The following RBFOX1 variants were observed in gnomAD, a reference collection of about 807,000 sequenced individuals.
The protein encoded by RBFOX1 is RNA binding fox-1 homolog 1.
In RBFOX1, 8 loss-of-function variants were observed where a neutral mutation model predicts 57.7. That is an observed-to-expected ratio of 0.14 (90% CI 0.08 to 0.25). The LOEUF (loss-of-function observed/expected upper bound fraction) is 0.25. Among genes scored for constraint, RBFOX1 ranks in the 10% least tolerant of loss-of-function variants. The pLI is 1.00. For synonymous variants in RBFOX1, 326 were observed against 222.4 expected, an observed-to-expected ratio of 1.47 and a Z score of -4.15; for missense variants, 611 against 548.5, an observed-to-expected ratio of 1.11 and a Z score of -1.14.
At chr16:6,249,656 A>G (rs762148552) in intron 1 of RBFOX1, among the ~76,000 whole-genome samples, 6 of 152,144 alleles carry the variant, frequency 3.9e-5, no homozygotes, top group Admixed American at 6.5e-5. Flanking sequence ...GCATGCAGGC[A>G]AAGGTGAGAT....
At chr16:5,283,883 G>T (rs1265816041) in intron 1 of RBFOX1, among the ~76,000 whole-genome samples, 1 of 152,012 alleles carries the variant, frequency 6.6e-6, no homozygotes, top group Non-Finnish European at 1.5e-5. Flanking sequence ...GGGAAGGCAT[G>T]ATTGGTTTTA....
At chr16:6,617,449 C>T (rs193182893) in intron 2 of RBFOX1, among the ~76,000 whole-genome samples, 1 of 151,968 alleles carries the variant, frequency 6.6e-6, no homozygotes, top group African/African-American at 2.4e-5. Context: ...GGGTCTGACT[C>T]TCCAGTTCAC....
chr16:6,472,158 C>T (rs79101471), intron 2 of RBFOX1, among the ~76,000 whole-genome samples: 1 of 152,222 alleles, frequency 6.6e-6, no homozygotes, highest in Non-Finnish European at 1.5e-5. Context: ...TTCTCAATTC[C>T]ACATTTCTTG....
intron 1 of RBFOX1, among the ~76,000 whole-genome samples, chr16:5,329,414 A>G (rs984650068): frequency 1.1e-4 from 17 of 152,108 alleles, no homozygotes; most frequent in South Asian, 4.2e-4. Context: ...AGATCTCACA[A>G]TAACTCACTC....
intron 1 of RBFOX1, among the ~76,000 whole-genome samples, chr16:6,162,625 C>A (rs1048809406): frequency 2.0e-5 from 3 of 152,142 alleles, no homozygotes; most frequent in Admixed American, 2.0e-4. Flanking sequence ...AAGGAAAGAA[C>A]AACTCAAGGG....
chr16:5,811,529 C>T (rs2055432663), intron 3 of RBFOX1, among the ~76,000 whole-genome samples: 1 of 151,390 alleles, frequency 6.6e-6, no homozygotes, highest in Non-Finnish European at 1.5e-5. Context: ...CAGCTCACCG[C>T]AACCTCTGCC....
intron 4 of RBFOX1, among the ~76,000 whole-genome samples, chr16:7,355,734 A>C (rs1174558276): frequency 6.6e-6 from 1 of 152,186 alleles, no homozygotes; most frequent in Non-Finnish European, 1.5e-5. Context: ...TCTTACACAC[A>C]AAAAAGGGTA....
intron 7 of RBFOX1, among the ~76,000 whole-genome samples, chr16:7,589,783 T>A (rs2094337570): frequency 6.6e-6 from 1 of 152,044 alleles, no homozygotes; most frequent in Non-Finnish European, 1.5e-5. Flanking sequence ...CTCATTTTCA[T>A]CGTTTGGTGC....
chr16:7,615,566 C>T (rs537841863), intron 10 of RBFOX1, among the ~76,000 whole-genome samples: 7 of 152,114 alleles, frequency 4.6e-5, no homozygotes, highest in African/African-American at 1.7e-4. Flanking sequence ...ATCTTTGTGA[C>T]TCCAAAGCTC....
At chr16:5,854,272 T>G (rs755184081) in intron 3 of RBFOX1, among the ~76,000 whole-genome samples, 1 of 152,220 alleles carries the variant, frequency 6.6e-6, no homozygotes, top group Non-Finnish European at 1.5e-5. Flanking sequence ...TGTGCATTAA[T>G]GAGATCCCCA....
chr16:5,733,092 T>G (rs1420893875), intron 3 of RBFOX1, among the ~76,000 whole-genome samples: 1 of 152,080 alleles, frequency 6.6e-6, no homozygotes, highest in Non-Finnish European at 1.5e-5. Flanking sequence ...TACACCTGAC[T>G]TCCAAAACAA....
rs548251280 is a variant in RBFOX1, at chr16:7,199,535, G to C, written c.27+147437G>C. On this transcript the variant is annotated intron_variant, in intron 4 of 15. Coordinates refer to ENST00000550418, the MANE Select transcript of RBFOX1 (RefSeq NM_018723.4). ...TCATTGCTGTGTATACTCATGTTCA[G>C]AGGAATGGTATCTACTTCCATACAC... is the stretch of plus-strand genomic sequence containing the variant. 9.5e-4 allele frequency among the ~76,000 whole-genome samples: 145 copies of C among 152,268 alleles called. 2 individuals are homozygous for C. The South Asian group carries it at 0.028, about 29-fold the overall frequency.
Position 7,577,290 on chromosome 16 carries a change from A to G in RBFOX1, c.271-2487A>G, listed in dbSNP as rs537259206. On this transcript the variant is annotated intron_variant, in intron 5 of 15. Transcript: ENST00000550418. ...TGAAGCTCAGACTCTTGCTTTGCAC[A>G]GTGTCCTTTGATCTAGCCCCTTGAC... 2.0e-5 allele frequency among the ~76,000 whole-genome samples: 3 copies of G among 152,246 alleles called. No homozygotes were observed. The East Asian group carries it at 5.8e-4, about 29-fold the overall frequency.
At chr16:6,098,620 C>T (rs867752426) in intron 1 of RBFOX1, among the ~76,000 whole-genome samples, 1 of 152,224 alleles carries the variant, frequency 6.6e-6, no homozygotes, top group Non-Finnish European at 1.5e-5. Context: ...GGGCCATGCA[C>T]ATTCTCTGTA....
intron 4 of RBFOX1, among the ~76,000 whole-genome samples, chr16:7,193,952 A>G (rs1207378869): frequency 2.0e-5 from 3 of 148,890 alleles, no homozygotes; most frequent in Non-Finnish European, 4.5e-5. Flanking sequence ...ATCTCTAGCT[A>G]TCTTTTTTTT....
Position 6,563,706 on chromosome 16 carries a change from A to T in RBFOX1, c.-63-90897A>T, listed in dbSNP as rs568533706. 3.3e-5 allele frequency among the ~76,000 whole-genome samples: 5 copies of T among 152,156 alleles called. No homozygotes were observed. In the South Asian group the frequency reaches 1.0e-3, roughly 32 times the overall value. ...AAAAATACAAAAAAAGTAGCCAAGC[A>T]TGGTGGCACACACTGGTAGTAGGGC... is the stretch of plus-strand genomic sequence containing the variant. On this transcript the variant is annotated intron_variant, in intron 2 of 15. Transcript: ENST00000550418.
chr16:5,614,524 T>C (rs1385518408), intron 3 of RBFOX1, among the ~76,000 whole-genome samples: 2 of 152,212 alleles, frequency 1.3e-5, no homozygotes, highest in Non-Finnish European at 2.9e-5. Context: ...TCTATCAGGC[T>C]CCTGATTTGT....
chr16:5,303,338 G>T (rs991767665), intron 1 of RBFOX1, among the ~76,000 whole-genome samples: 69 of 152,286 alleles, frequency 4.5e-4, no homozygotes, highest in African/African-American at 1.5e-3. Flanking sequence ...AGGATTATTT[G>T]CAGATAAGCC....
intron 3 of RBFOX1, among the ~76,000 whole-genome samples, chr16:5,823,071 G>C (rs1274006198): frequency 1.3e-5 from 2 of 152,198 alleles, no homozygotes; most frequent in African/African-American, 2.4e-5. Flanking sequence ...AGCCACTGCT[G>C]TACCCCATTT....
Sources: gnomAD v4.1 joint callset for allele counts (sites outside exome capture counted in the v4.1 genomes callset) on GRCh38, gnomAD v4.1.1 for gene constraint, MANE v1.5 for transcripts, NCBI Gene and HGNC (gene_info 2026-07-23, HGNC 2026-07-21) for gene names.